The following CACNA2D1 variants were observed in gnomAD, a reference collection of about 807,000 sequenced individuals.
CACNA2D1 encodes calcium voltage-gated channel auxiliary subunit alpha2delta 1.
Under a neutral mutation model 171.5 loss-of-function variants are expected in CACNA2D1, and 53 were observed. The ratio of observed to expected loss-of-function variants is 0.31; its 90% CI spans 0.25 to 0.39. The LOEUF (loss-of-function observed/expected upper bound fraction) is 0.39, where lower values mean the gene tolerates loss of function less well. CACNA2D1 is among the 10% of genes least tolerant of loss of function. The probability of loss-of-function intolerance (pLI) is 1.00; values close to 1 mark genes in which losing one functional copy is unlikely to be tolerated. For missense variants in CACNA2D1, 903 were observed against 1,299.8 expected (o/e 0.69, Z 4.69); for synonymous variants, 442 against 443.1 (o/e 1.00, Z 0.03).
intron 1 of CACNA2D1, among the ~76,000 whole-genome samples, chr7:82,426,014 C>T (rs987452664): frequency 6.6e-6 from 1 of 151,374 alleles, no homozygotes; most frequent in Non-Finnish European, 1.5e-5. Context: ...CCTGTAATCC[C>T]AGCTAGTAGG....
At chr7:82,108,320 G>C (rs929290087) in intron 6 of CACNA2D1, among the ~76,000 whole-genome samples, 2 of 152,144 alleles carry the variant, frequency 1.3e-5, no homozygotes, top group African/African-American at 4.8e-5. Flanking sequence ...TAGCTATAAA[G>C]TATAGCTACT....
chr7:82,240,739 C>A (rs1320441642), intron 3 of CACNA2D1, among the ~76,000 whole-genome samples: 1 of 152,002 alleles, frequency 6.6e-6, no homozygotes, highest in Non-Finnish European at 1.5e-5. Context: ...GAGGACGAGG[C>A]GGGCGGATCA....
At position 82,248,239 on chromosome 7, in the gene CACNA2D1, G is replaced by GT. The variant is rs142851356; in HGVS notation, c.295-77631dup. On this transcript the variant is annotated intron_variant, in intron 3 of 38. Transcript: ENST00000356860. ...CAGCAATCAGGCATTCACTTTGACT[G>GT]TTTTTTCTAAATTGTTGGAAGATTT... Among the ~76,000 whole-genome samples, 663 of 152,288 alleles carry GT rather than the reference G, an allele frequency of 4.4e-3. 11 individuals carry two copies. The East Asian group carries it at 0.07, about 16-fold the overall frequency.
chr7:82,060,659 A>T lies in CACNA2D1; in HGVS notation c.780-132T>A, dbSNP rs1349521023. 12 of 524,216 alleles carry T rather than the reference A, an allele frequency of 2.3e-5. No individual in the cohort carries two copies. In the Middle Eastern group the frequency reaches 1.4e-3, roughly 61 times the overall value. The allele number at this position is 524,216 out of a possible 1,614,324, so 32.5% of individuals were successfully genotyped here. A position where few individuals can be genotyped will look rare whatever the true frequency, so the allele number is the denominator to read the frequency against. ...TTTAAATAATAATTTTGCCCTTGAA[A>T]ATCAGTTTAAAAAGTTACATTTTTT... On this transcript the variant is annotated intron_variant, in intron 9 of 38. Transcript: ENST00000356860.
chr7:81,979,711 G>A (rs1252803289), intron 24 of CACNA2D1, among the ~76,000 whole-genome samples: 2 of 152,042 alleles, frequency 1.3e-5, no homozygotes, highest in African/African-American at 2.4e-5. Context: ...AGTTAAAGTG[G>A]GTTAAAGTTG....
At chr7:82,440,386 ATG>A (rs1260425717) in intron 1 of CACNA2D1, among the ~76,000 whole-genome samples, 3 of 151,958 alleles carry the variant, frequency 2.0e-5, no homozygotes, top group Non-Finnish European at 4.4e-5. Flanking sequence ...GTCTTTTAAC[ATG>A]TGACAAGAAA....
chr7:82,144,664 T>A (rs1792777338), intron 4 of CACNA2D1, among the ~76,000 whole-genome samples: 1 of 152,078 alleles, frequency 6.6e-6, no homozygotes, highest in African/African-American at 2.4e-5. Flanking sequence ...ATTTCTCTAA[T>A]GAACTAAAGG....
rs1794650962 is a variant in CACNA2D1, at chr7:81,965,729, C to T, written c.2503-64G>A. On this transcript the variant is annotated intron_variant, in intron 31 of 38. Transcript: ENST00000356860. ...AGGTTAGGAGGCTGCATTGTCTTTA[C>T]CCCATTATATACATGATTAGAGCAA... 4 of 919,056 alleles carry T rather than the reference C, an allele frequency of 4.4e-6. No homozygotes were observed. In the Admixed American group the frequency reaches 5.1e-5, roughly 12 times the overall value. The allele number at this position is 919,056 out of a possible 1,614,324, so 56.9% of individuals were successfully genotyped here.
chr7:82,304,475 A>G (rs1313202695), intron 3 of CACNA2D1, among the ~76,000 whole-genome samples: 2 of 152,152 alleles, frequency 1.3e-5, no homozygotes, highest in Non-Finnish European at 2.9e-5. Flanking sequence ...ATGAATAGAT[A>G]AAGAAAATGT....
intron 5 of CACNA2D1, among the ~76,000 whole-genome samples, chr7:82,122,227 T>C (rs1789825550): frequency 1.3e-5 from 2 of 152,160 alleles, no homozygotes; most frequent in South Asian, 2.1e-4. Context: ...CAGTGAAAGA[T>C]AAATTAGAAC....
intron 1 of CACNA2D1, among the ~76,000 whole-genome samples, chr7:82,411,481 AATT>A (rs1386511718): frequency 1.3e-5 from 2 of 152,346 alleles, no homozygotes; most frequent in East Asian, 1.9e-4. Context: ...AGATGACACC[AATT>A]ATTATTATTG....
intron 4 of CACNA2D1, among the ~76,000 whole-genome samples, chr7:82,140,760 C>A (rs1195264522): frequency 1.3e-5 from 2 of 151,752 alleles, no homozygotes; most frequent in African/African-American, 4.8e-5. Context: ...TCGAGACCAT[C>A]CTGGCCAACA....
chr7:81,990,891 A>G (rs1797477884), intron 21 of CACNA2D1, among the ~76,000 whole-genome samples: 1 of 152,206 alleles, frequency 6.6e-6, no homozygotes, highest in Non-Finnish European at 1.5e-5. Context: ...CTAAACAACA[A>G]CTAAAAGAGG....
chr7:82,232,360 CT>C (rs77888777), intron 3 of CACNA2D1, among the ~76,000 whole-genome samples: 55,944 of 151,766 alleles, frequency 0.37, 11,378 homozygotes, highest in Admixed American at 0.46. Flanking sequence ...AAATGTTCGC[CT>C]TTTTGTACTG....
At chr7:82,130,384 G>C (rs78431511) in intron 5 of CACNA2D1, among the ~76,000 whole-genome samples, 2,140 of 152,142 alleles carry the variant, frequency 0.014, 21 homozygotes, top group Middle Eastern at 0.027. Flanking sequence ...CAAAAAAAGA[G>C]TCAGTAATAA....
At chr7:82,198,053 C>T (rs1799030513) in intron 3 of CACNA2D1, among the ~76,000 whole-genome samples, 1 of 152,066 alleles carries the variant, frequency 6.6e-6, no homozygotes, top group African/African-American at 2.4e-5. Context: ...CTTGAATGAG[C>T]TCATGGTCCC....
intron 6 of CACNA2D1, among the ~76,000 whole-genome samples, chr7:82,089,812 C>G (rs1810916180): frequency 6.6e-6 from 1 of 152,110 alleles, no homozygotes; most frequent in Non-Finnish European, 1.5e-5. Context: ...AAACTTCAAC[C>G]AATAAAATGT....
At chr7:82,057,316 C>G (rs1370515918) in intron 10 of CACNA2D1, among the ~76,000 whole-genome samples, 1 of 151,976 alleles carries the variant, frequency 6.6e-6, no homozygotes, top group Non-Finnish European at 1.5e-5. Context: ...ATATGAAAAC[C>G]AAGGGGGTAA....
chr7:82,047,187 C>T (rs546234947), intron 10 of CACNA2D1, among the ~76,000 whole-genome samples: 9 of 152,098 alleles, frequency 5.9e-5, no homozygotes, highest in Admixed American at 2.6e-4. Context: ...CATCATTCTC[C>T]AGGTACAATA....
Sources: allele counts gnomAD v4.1 joint callset (sites outside exome capture counted in the v4.1 genomes callset), GRCh38; gene constraint gnomAD v4.1.1; transcripts MANE v1.5; gene names NCBI Gene and HGNC (gene_info 2026-07-23, HGNC 2026-07-21).